CNTN1: variants seen among roughly 807,000 people sequenced by gnomAD.
The protein encoded by CNTN1 is contactin 1.
In CNTN1, 38 loss-of-function variants were observed where a neutral mutation model predicts 126.4. The observed-to-expected ratio is 0.30, with a 90% CI of 0.23 to 0.39. The LOEUF (loss-of-function observed/expected upper bound fraction) is 0.39, where lower values mean the gene tolerates loss of function less well. CNTN1 is among the 10% of genes least tolerant of loss of function. The pLI is 1.00. For missense variants in CNTN1, 1,009 were observed against 1,248.4 expected (o/e 0.81, Z 2.89); for synonymous variants, 413 against 422.6 (o/e 0.98, Z 0.28).
At chr12:40,790,457 G>GAAA (rs1189227615) in intron 1 of CNTN1, among the ~76,000 whole-genome samples, 2 of 152,072 alleles carry the variant, frequency 1.3e-5, no homozygotes, top group South Asian at 2.1e-4. Context: ...CATCTATGGA[G>GAAA]AATTTAAATG....
intron 1 of CNTN1, among the ~76,000 whole-genome samples, chr12:40,878,177 A>C (rs1943740701): frequency 6.6e-6 from 1 of 151,260 alleles, no homozygotes; most frequent in African/African-American, 2.4e-5. Flanking sequence ...TTGTATTTTT[A>C]GTAGAGACAA....
intron 23 of CNTN1, among the ~76,000 whole-genome samples, chr12:41,057,151 T>TTTATAAATATTAAGATATTTATA (rs1285536460): frequency 4.2e-5 from 6 of 144,234 alleles, no homozygotes; most frequent in African/African-American, 7.5e-5. Context: ...TATTTAGATA[T>TTTATAAATATTAAGATATTTATA]TTATAAATAT....
At chr12:40,703,722 T>C (rs1396792951) in intron 1 of CNTN1, among the ~76,000 whole-genome samples, 1 of 152,184 alleles carries the variant, frequency 6.6e-6, no homozygotes, top group Non-Finnish European at 1.5e-5. Context: ...AAGTAGTCTC[T>C]TCTGCTAGTT....
chr12:41,042,559 T>G (rs540424655), intron 23 of CNTN1, among the ~76,000 whole-genome samples: 1 of 152,224 alleles, frequency 6.6e-6, no homozygotes, highest in East Asian at 1.9e-4. Context: ...TCTAAGTCTC[T>G]TTGTAGGTCA....
chr12:41,004,658 T>C (rs1448702365), intron 17 of CNTN1, among the ~76,000 whole-genome samples: 4 of 152,200 alleles, frequency 2.6e-5, no homozygotes, highest in African/African-American at 9.7e-5. Flanking sequence ...TTAGATTTTC[T>C]TGTTGAATTG....
At chr12:40,837,391 G>T (rs1444965462) in intron 1 of CNTN1, among the ~76,000 whole-genome samples, 2 of 152,154 alleles carry the variant, frequency 1.3e-5, no homozygotes, top group East Asian at 1.9e-4. Context: ...CAGGGATTAG[G>T]TGAGCAAGAC....
intron 1 of CNTN1, among the ~76,000 whole-genome samples, chr12:40,783,228 G>A (rs1374622331): frequency 6.6e-6 from 1 of 151,914 alleles, no homozygotes; most frequent in East Asian, 1.9e-4. Context: ...TTTAGAGTGG[G>A]TGATTTCTCT....
At chr12:40,957,111 G>A (rs1156381352) in intron 14 of CNTN1, among the ~76,000 whole-genome samples, 1 of 151,998 alleles carries the variant, frequency 6.6e-6, no homozygotes, top group Non-Finnish European at 1.5e-5. Context: ...CAAATAAGAT[G>A]AGCTGAAGCA....
chr12:40,781,590 C>T (rs1435518011), intron 1 of CNTN1, among the ~76,000 whole-genome samples: 1 of 151,906 alleles, frequency 6.6e-6, no homozygotes, highest in South Asian at 2.1e-4. Context: ...GAGGGTTAGT[C>T]ATTGTTAAAT....
intron 1 of CNTN1, among the ~76,000 whole-genome samples, chr12:40,819,708 C>G (rs66467974): frequency 0.056 from 8,564 of 152,270 alleles, 283 homozygotes; most frequent in Middle Eastern, 0.12. Flanking sequence ...GCCCCTCCCC[C>G]CTGGAGTTCA....
chr12:40,740,434 C>T (rs1937889781), intron 1 of CNTN1, among the ~76,000 whole-genome samples: 1 of 152,070 alleles, frequency 6.6e-6, no homozygotes, highest in Admixed American at 6.6e-5. Context: ...TCAAGTTTCT[C>T]CTAAAACCTT....
At chr12:40,907,184 TGACTC>T (rs1449608056) in intron 1 of CNTN1, among the ~76,000 whole-genome samples, 1 of 152,172 alleles carries the variant, frequency 6.6e-6, no homozygotes, top group Non-Finnish European at 1.5e-5. Context: ...AGTCACCAAA[TGACTC>T]AAATCTAAGA....
chr12:40,731,039 A>G, intron 1 of CNTN1, among the ~76,000 whole-genome samples: 1 of 152,122 alleles, frequency 6.6e-6, no homozygotes, highest in East Asian at 1.9e-4. Context: ...AGAAAAAAAG[A>G]GTAAAAATAT....
intron 14 of CNTN1, among the ~76,000 whole-genome samples, chr12:40,956,188 A>T (rs1272183739): frequency 6.6e-6 from 1 of 152,118 alleles, no homozygotes; most frequent in East Asian, 1.9e-4. Context: ...CATTCAAACA[A>T]GGCATATTTA....
At chr12:41,017,988 G>A (rs192934264) in intron 19 of CNTN1, among the ~76,000 whole-genome samples, 18 of 152,078 alleles carry the variant, frequency 1.2e-4, no homozygotes, top group African/African-American at 3.9e-4. Context: ...CTACTTGGGA[G>A]GCTGAGGCAG....
At chr12:40,887,587 C>A (rs1194513472) in intron 1 of CNTN1, among the ~76,000 whole-genome samples, 12 of 151,790 alleles carry the variant, frequency 7.9e-5, no homozygotes, top group South Asian at 4.2e-4. Flanking sequence ...TAGTTCAACC[C>A]TTGTGGAAGT....
chr12:40,784,966 C>T (rs1032898324), intron 1 of CNTN1, among the ~76,000 whole-genome samples: 2 of 151,944 alleles, frequency 1.3e-5, no homozygotes, highest in Non-Finnish European at 2.9e-5. Flanking sequence ...AGGAATCCTT[C>T]GTAGTGTGAA....
chr12:40,951,714 TTAAAAAAAAAAAAAAAA>T (rs1675830236), intron 14 of CNTN1, among the ~76,000 whole-genome samples: 2 of 79,646 alleles, frequency 2.5e-5, no homozygotes, highest in African/African-American at 1.2e-4. Flanking sequence ...GTCTCAAAAT[TTAAAAAAAAAAAAAAAA>T]AAAAAAAAAA....
At position 41,029,174 on chromosome 12, in the gene CNTN1, C is replaced by T. The variant is rs1949093512; in HGVS notation, c.2935C>T (p.His979Tyr). 1 of 1,614,014 alleles carries T rather than the reference C, an allele frequency of 6.2e-7. No individual in the cohort carries two copies. The highest frequency in any genetic ancestry group is 1.7e-5 in the Admixed American group (1 of 59,994). Residue 979 changes from histidine to tyrosine, a missense_variant, in exon 23 of 24, where the codon CAC (histidine) becomes TAC (tyrosine). His to Tyr is a moderately conservative substitution (Grantham distance 83). Transcript: ENST00000551295. ...DGEYVVEVRAHSDGGDGVVSQ... is the reference protein window; with the variant it reads ...DGEYVVEVRAYSDGGDGVVSQ... ...AGAATACGTTGTGGAGGTTCGCGCG[C>T]ACAGTGATGGAGGAGATGGAGTGGT...
Sources: allele counts gnomAD v4.1 joint callset (sites outside exome capture counted in the v4.1 genomes callset), GRCh38; gene constraint gnomAD v4.1.1; transcripts MANE v1.5; gene names NCBI Gene and HGNC (gene_info 2026-07-23, HGNC 2026-07-21).